Variants in ARHGAP26 observed in about 807,000 individuals in gnomAD.
The protein encoded by ARHGAP26 is Rho GTPase activating protein 26.
Under a neutral mutation model 104.8 loss-of-function variants are expected in ARHGAP26, and 38 were observed. The ratio of observed to expected loss-of-function variants is 0.36; its 90% CI spans 0.28 to 0.48. The LOEUF is 0.48. Ranked by LOEUF, ARHGAP26 falls within the 20% of genes least tolerant of loss-of-function variation. The pLI is 0.99. For missense variants in ARHGAP26, 704 were observed against 947.9 expected (o/e 0.74, Z 3.38); for synonymous variants, 341 against 340.0 (o/e 1.00, Z -0.03).
At chr5:143,055,196 C>G (rs1400470014) in intron 15 of ARHGAP26, among the ~76,000 whole-genome samples, 1 of 152,054 alleles carries the variant, frequency 6.6e-6, no homozygotes, top group Non-Finnish European at 1.5e-5. Context: ...AAGGTGGGAC[C>G]TAGTCTTAAA....
chr5:142,888,565 C>G (rs1330435765), intron 5 of ARHGAP26, among the ~76,000 whole-genome samples: 1 of 152,204 alleles, frequency 6.6e-6, no homozygotes, highest in Non-Finnish European at 1.5e-5. Flanking sequence ...ACCTTCCACT[C>G]TGATTATCCA....
intron 11 of ARHGAP26, among the ~76,000 whole-genome samples, chr5:142,945,820 T>C (rs1245174893): frequency 2.6e-5 from 4 of 152,230 alleles, no homozygotes; most frequent in Non-Finnish European, 5.9e-5. Flanking sequence ...ACAATATTAT[T>C]ATCTATTTTA....
At chr5:143,181,579 T>C (rs1416051908) in intron 20 of ARHGAP26, among the ~76,000 whole-genome samples, 1 of 152,224 alleles carries the variant, frequency 6.6e-6, no homozygotes, top group Admixed American at 6.5e-5. Flanking sequence ...CATACCTGTC[T>C]TCCCAGTTGT....
chr5:142,885,703 C>T (rs1757602311), intron 5 of ARHGAP26, among the ~76,000 whole-genome samples: 1 of 152,142 alleles, frequency 6.6e-6, no homozygotes, highest in Non-Finnish European at 1.5e-5. Flanking sequence ...ATTTCTTTTC[C>T]TGTTTCTCTC....
intron 18 of ARHGAP26, among the ~76,000 whole-genome samples, chr5:143,128,436 T>C (rs1796961856): frequency 6.6e-6 from 1 of 152,228 alleles, no homozygotes; most frequent in Non-Finnish European, 1.5e-5. Context: ...AGATTTTTAA[T>C]ACAACTACCC....
chr5:142,857,331 C>T (rs1752526440), intron 1 of ARHGAP26, among the ~76,000 whole-genome samples: 1 of 152,162 alleles, frequency 6.6e-6, no homozygotes, highest in Admixed American at 6.5e-5. Flanking sequence ...AGGAGGCTTC[C>T]TCCAAGTCTT....
intron 17 of ARHGAP26, among the ~76,000 whole-genome samples, chr5:143,108,678 C>T (rs1794384215): frequency 6.6e-6 from 1 of 152,070 alleles, no homozygotes; most frequent in Non-Finnish European, 1.5e-5. Context: ...GAGTTATTTC[C>T]CTCATTTAAA....
intron 17 of ARHGAP26, among the ~76,000 whole-genome samples, chr5:143,094,499 G>A (rs538865370): frequency 6.6e-6 from 1 of 152,358 alleles, no homozygotes; most frequent in Admixed American, 6.5e-5. Flanking sequence ...TCCCAGAGCA[G>A]CCCCTAATTG....
chr5:143,008,324 T>C (rs1252938449), intron 11 of ARHGAP26, among the ~76,000 whole-genome samples: 4 of 152,256 alleles, frequency 2.6e-5, no homozygotes, highest in Non-Finnish European at 5.9e-5. Context: ...AGTAGATTAC[T>C]ACAAATCTGT....
chr5:143,168,445 C>CTTTTTTTGTTTTT (rs1802321957), intron 20 of ARHGAP26: 1 of 25,670 alleles, frequency 3.9e-5, no homozygotes, highest in Non-Finnish European at 6.9e-5. Context: ...ATCTGGAACT[C>CTTTTTTTGTTTTT]TTTTTTTTTT....
intron 8 of ARHGAP26, among the ~76,000 whole-genome samples, chr5:142,904,126 C>G (rs1760762398): frequency 6.6e-6 from 1 of 151,978 alleles, no homozygotes; most frequent in Non-Finnish European, 1.5e-5. Flanking sequence ...GGCCTTTTTC[C>G]TCTTCTCCTC....
At chr5:143,165,339 G>A (rs1051992230) in intron 20 of ARHGAP26, 1 of 152,246 alleles carries the variant, frequency 6.6e-6, no homozygotes, top group African/African-American at 2.4e-5. Context: ...TTGTCAGTGA[G>A]GGAGGAACTT....
intron 11 of ARHGAP26, among the ~76,000 whole-genome samples, chr5:142,988,753 G>A (rs1264698398): frequency 6.6e-6 from 1 of 152,196 alleles, no homozygotes; most frequent in Non-Finnish European, 1.5e-5. Flanking sequence ...TATGTACCCA[G>A]TAGTCATTCA....
chr5:142,857,325 G>A (rs1267774593), intron 1 of ARHGAP26, among the ~76,000 whole-genome samples: 1 of 152,182 alleles, frequency 6.6e-6, no homozygotes, highest in African/African-American at 2.4e-5. Context: ...TGTGCTAGGA[G>A]GCTTCCTCCA....
At chr5:142,936,143 A>C (rs1765384972) in intron 11 of ARHGAP26, among the ~76,000 whole-genome samples, 1 of 150,712 alleles carries the variant, frequency 6.6e-6, no homozygotes, top group Admixed American at 6.6e-5. Flanking sequence ...ACACACACAC[A>C]CACCCCTTCT....
intron 20 of ARHGAP26, among the ~76,000 whole-genome samples, chr5:143,175,679 T>C (rs1803379886): frequency 6.6e-6 from 1 of 152,188 alleles, no homozygotes; most frequent in South Asian, 2.1e-4. Flanking sequence ...GGAATTATTG[T>C]TTGTTTAGTA....
chr5:143,088,156 C>T (rs140402247), intron 17 of ARHGAP26, among the ~76,000 whole-genome samples: 1 of 152,320 alleles, frequency 6.6e-6, no homozygotes, highest in Non-Finnish European at 1.5e-5. Flanking sequence ...TTATGTGCTT[C>T]TGAGATTATA....
In ARHGAP26 at chr5:143,203,107, AG is replaced by A. The variant is rs1290904161; in HGVS notation, c.1989-4090del. On this transcript the variant is annotated intron_variant, in intron 20 of 22. Coordinates refer to ENST00000645722, the MANE Select transcript of ARHGAP26 (RefSeq NM_001135608.3). ...TAATTAAACTAAAAAGCTTCTGCAC[AG>A]CAGAAGAAACTATCATCAGAGTGAA... 42 of 152,358 alleles carry A rather than the reference AG, an allele frequency of 2.8e-4. 2 individuals are homozygous for A. The highest frequency in any genetic ancestry group is 8.9e-4 in the African/African-American group (37 of 41,590). The allele number at this position is 152,358 out of a possible 1,614,324, so 9.4% of individuals were successfully genotyped here.
At chr5:143,011,138 T>A (rs933330223) in intron 11 of ARHGAP26, among the ~76,000 whole-genome samples, 1 of 152,132 alleles carries the variant, frequency 6.6e-6, no homozygotes, top group Non-Finnish European at 1.5e-5. Flanking sequence ...ACACTGGCCT[T>A]CTTCCTTCAA....
Sources: gnomAD v4.1 joint callset for allele counts (sites outside exome capture counted in the v4.1 genomes callset) on GRCh38, gnomAD v4.1.1 for gene constraint, MANE v1.5 for transcripts, NCBI Gene and HGNC (gene_info 2026-07-23, HGNC 2026-07-21) for gene names.